IL1RAPL1: variants seen among roughly 807,000 people sequenced by gnomAD.
The protein encoded by IL1RAPL1 is interleukin 1 receptor accessory protein like 1, also known as interleukin-1 receptor accessory protein-like 1.
Under a neutral mutation model 48.4 loss-of-function variants are expected in IL1RAPL1, and 3 were observed. The observed-to-expected ratio is 0.06, with a 90% CI of 0.03 to 0.16. IL1RAPL1 has a LOEUF of 0.16. Among genes scored for constraint, IL1RAPL1 ranks in the 10% least tolerant of loss-of-function variants. The pLI is 1.00. For synonymous variants in IL1RAPL1, 185 were observed against 187.7 expected, an observed-to-expected ratio of 0.99 and a Z score of 0.12; for missense variants, 349 against 530.6, an observed-to-expected ratio of 0.66 and a Z score of 3.36.
intron 6 of IL1RAPL1, among the ~76,000 whole-genome samples, chrX:29,686,650 C>T (rs1926630707): frequency 1.8e-5 from 2 of 108,975 alleles, no homozygotes; most frequent in Admixed American, 9.9e-5. Flanking sequence ...CTCCGCCTCC[C>T]GGGTTCACGC....
chrX:29,778,595 G>A (rs149243928), intron 6 of IL1RAPL1, among the ~76,000 whole-genome samples: 1 of 111,718 alleles, frequency 9.0e-6, no homozygotes, highest in African/African-American at 3.3e-5. Context: ...CCTAATCCTG[G>A]TATGTCTTTG....
At chrX:29,582,111 A>G (rs746165865) in intron 5 of IL1RAPL1, among the ~76,000 whole-genome samples, 173 of 111,374 alleles carry the variant, frequency 1.6e-3, no homozygotes, top group African/African-American at 5.4e-3. Context: ...CGAGGAAAGC[A>G]TGCATCTTCC....
At chrX:29,815,652 G>C in intron 6 of IL1RAPL1, among the ~76,000 whole-genome samples, 1 of 110,905 alleles carries the variant, frequency 9.0e-6, no homozygotes, top group East Asian at 2.8e-4. Flanking sequence ...TTCTTGTCTT[G>C]TTCCTGTTCT....
chrX:29,372,671 G>T (rs942245753), intron 3 of IL1RAPL1, among the ~76,000 whole-genome samples: 9 of 110,181 alleles, frequency 8.2e-5, no homozygotes, highest in African/African-American at 2.6e-4. Flanking sequence ...TGAATAGGAA[G>T]TCCGTTCCCC....
At chrX:29,467,462 G>A (rs1200730195) in intron 5 of IL1RAPL1, among the ~76,000 whole-genome samples, 2 of 112,466 alleles carry the variant, frequency 1.8e-5, no homozygotes, top group African/African-American at 3.2e-5. Context: ...TGGGACTTGC[G>A]AAGGGGTCGC....
At chrX:29,181,876 A>C (rs1337155848) in intron 2 of IL1RAPL1, among the ~76,000 whole-genome samples, 1 of 112,255 alleles carries the variant, frequency 8.9e-6, no homozygotes, top group East Asian at 2.8e-4. Flanking sequence ...CACTAATAAT[A>C]AATAATCTCT....
intron 2 of IL1RAPL1, among the ~76,000 whole-genome samples, chrX:29,134,554 T>C (rs1362532548): frequency 8.9e-6 from 1 of 111,864 alleles, no homozygotes; most frequent in Non-Finnish European, 1.9e-5. Context: ...TTCACTGTTA[T>C]CTCTTCTCTC....
At chrX:28,790,545 G>A (rs1569173368) in intron 2 of IL1RAPL1, among the ~76,000 whole-genome samples, 1 of 112,767 alleles carries the variant, frequency 8.9e-6, no homozygotes, top group Non-Finnish European at 1.9e-5. Context: ...CATGGACAAA[G>A]GTTTGGTGCA....
Position 29,381,829 on chromosome X carries a change from AAAAAAT to A in IL1RAPL1, c.363-14427_363-14422del, listed in dbSNP as rs1260126951. On this transcript the variant is annotated intron_variant, in intron 3 of 10. Coordinates refer to ENST00000378993, the MANE Select transcript of IL1RAPL1 (RefSeq NM_014271.4). ...AGACTGTTGCCAAAAAAAAAAAAAA[AAAAAAT>A]ATATATATATATATATATATATATA... Among the ~76,000 whole-genome samples, 276 of 31,623 alleles carry A rather than the reference AAAAAAT, an allele frequency of 8.7e-3. 2 individuals are homozygous for A. Among genetic ancestry groups the A allele is most frequent in the African/African-American group, 0.021 (263 of 12,565 alleles). 27.5% of individuals were successfully genotyped at this position (31,623 alleles called of 115,157 possible).
At chrX:28,597,241 A>T (rs1304335021) in intron 1 of IL1RAPL1, among the ~76,000 whole-genome samples, 1 of 111,331 alleles carries the variant, frequency 9.0e-6, no homozygotes, top group East Asian at 2.8e-4. Flanking sequence ...ACATTTCATG[A>T]CCCGCTCAGA....
chrX:29,746,438 T>C (rs1420772513), intron 6 of IL1RAPL1, among the ~76,000 whole-genome samples: 1 of 111,540 alleles, frequency 9.0e-6, no homozygotes, highest in African/African-American at 3.3e-5. Flanking sequence ...TCTCTACATA[T>C]GTGTGGAGCA....
chrX:29,545,591 C>A (rs192685846), intron 5 of IL1RAPL1, among the ~76,000 whole-genome samples: 2 of 112,011 alleles, frequency 1.8e-5, no homozygotes, highest in Admixed American at 9.5e-5. Flanking sequence ...TCATACATCA[C>A]TCTTTTGATT....
chrX:28,662,496 A>G (rs902952345), intron 1 of IL1RAPL1, among the ~76,000 whole-genome samples: 3 of 111,652 alleles, frequency 2.7e-5, no homozygotes, highest in African/African-American at 9.8e-5. Flanking sequence ...AGAGTCAGTG[A>G]CAGTTTTAGA....
intron 2 of IL1RAPL1, among the ~76,000 whole-genome samples, chrX:28,929,591 T>A (rs896113434): frequency 8.9e-6 from 1 of 112,503 alleles, no homozygotes; most frequent in African/African-American, 3.2e-5. Flanking sequence ...CAACAGTGAA[T>A]AATATCTTTG....
At chrX:29,858,328 C>T (rs1338111878) in intron 6 of IL1RAPL1, among the ~76,000 whole-genome samples, 2 of 111,537 alleles carry the variant, frequency 1.8e-5, no homozygotes, top group African/African-American at 3.3e-5. Context: ...GATTATAGAA[C>T]GTTCACTTTC....
At chrX:29,651,800 G>T (rs1051942443) in intron 5 of IL1RAPL1, among the ~76,000 whole-genome samples, 3 of 111,797 alleles carry the variant, frequency 2.7e-5, no homozygotes, top group South Asian at 7.5e-4. Flanking sequence ...TGACAACTAC[G>T]TGAGGTAATG....
chrX:29,024,500 C>G (rs1926441658), intron 2 of IL1RAPL1, among the ~76,000 whole-genome samples: 1 of 111,499 alleles, frequency 9.0e-6, no homozygotes, highest in Admixed American at 9.6e-5. Context: ...CACTCTGTGC[C>G]TCAGTTTAAT....
chrX:29,634,115 C>T (rs998859827), intron 5 of IL1RAPL1, among the ~76,000 whole-genome samples: 4 of 111,772 alleles, frequency 3.6e-5, no homozygotes, highest in Non-Finnish European at 5.6e-5. Flanking sequence ...GATCGTGAGT[C>T]GATATTACTT....
chrX:28,744,316 G>T (rs183638908), intron 1 of IL1RAPL1, among the ~76,000 whole-genome samples: 1 of 111,233 alleles, frequency 9.0e-6, no homozygotes, highest in East Asian at 2.8e-4. Context: ...AAAGTTCCAG[G>T]CCTTAATTTA....
Sources: gnomAD v4.1 joint callset for allele counts (sites outside exome capture counted in the v4.1 genomes callset) on GRCh38, gnomAD v4.1.1 for gene constraint, MANE v1.5 for transcripts, NCBI Gene and HGNC (gene_info 2026-07-23, HGNC 2026-07-21) for gene names.